The following TMC5 variants were observed in gnomAD, a reference collection of about 807,000 sequenced individuals.
TMC5 encodes transmembrane channel like 5, also known as transmembrane channel-like protein 5.
In TMC5, 86 loss-of-function variants were observed where a neutral mutation model predicts 110.5. The ratio of observed to expected loss-of-function variants is 0.78; its 90% confidence interval spans 0.65 to 0.93. TMC5 has a LOEUF of 0.93. Among genes scored for constraint, TMC5 ranks in the 40% least tolerant of loss-of-function variants. TMC5 has a pLI of 0.00. For synonymous variants in TMC5, 455 were observed against 439.5 expected (o/e 1.04, Z -0.44); for missense variants, 1,144 against 1,222.8 (o/e 0.94, Z 0.96).
intron 3 of TMC5, among the ~76,000 whole-genome samples, chr16:19,443,019 G>T (rs1201297300): frequency 6.6e-6 from 1 of 152,176 alleles, no homozygotes; most frequent in African/African-American, 2.4e-5. Flanking sequence ...TATGAATAAG[G>T]ATACGTCGTG....
chr16:19,422,172 A>G (rs1966998531), intron 1 of TMC5, among the ~76,000 whole-genome samples: 1 of 151,812 alleles, frequency 6.6e-6, no homozygotes, highest in Non-Finnish European at 1.5e-5. Flanking sequence ...TGGAGGTTGC[A>G]GTGAGCCAAG....
chr16:19,433,553 G>A (rs988805410), intron 2 of TMC5, among the ~76,000 whole-genome samples: 2 of 152,124 alleles, frequency 1.3e-5, no homozygotes, highest in Non-Finnish European at 2.9e-5. Flanking sequence ...TCATTACATT[G>A]TTATTCGATC....
chr16:19,479,624 A>G, intron 14 of TMC5, 96 bp downstream of exon 14: 1 of 844,128 alleles, frequency 1.2e-6, no homozygotes, highest in Non-Finnish European at 2.0e-6. Flanking sequence ...GACATACTCA[A>G]AGCGTGCGTT....
At chr16:19,487,701 CAATAAATAAAT>C (rs1968783221) in intron 17 of TMC5, 1 of 127,838 alleles carries the variant, frequency 7.8e-6, no homozygotes, top group Admixed American at 8.0e-5. Context: ...GACTCTGTCT[CAATAAATAAAT>C]AAATAAATAA....
intron 17 of TMC5, 125 bp from the exon 18 acceptor site, chr16:19,490,270 G>A: frequency 1.1e-6 from 1 of 908,936 alleles, no homozygotes; most frequent in Non-Finnish European, 1.7e-6. Flanking sequence ...TTTGGGAAGT[G>A]GGTGTGATTG....
intron 6 of TMC5, among the ~76,000 whole-genome samples, chr16:19,463,016 C>A (rs1377638070): frequency 2.0e-5 from 3 of 152,004 alleles, no homozygotes; most frequent in Non-Finnish European, 4.4e-5. Flanking sequence ...CCCAAGTAAT[C>A]CCCCCACCAC....
At chr16:19,448,947 C>T (rs1967685546) in intron 4 of TMC5, among the ~76,000 whole-genome samples, 1 of 149,694 alleles carries the variant, frequency 6.7e-6, no homozygotes, top group South Asian at 2.1e-4. Context: ...CTGCAAGCTC[C>T]ACCTCCTGGG....
chr16:19,428,354 G>A (rs1041984460), intron 1 of TMC5, among the ~76,000 whole-genome samples: 1 of 148,886 alleles, frequency 6.7e-6, no homozygotes, highest in Non-Finnish European at 1.5e-5. Context: ...TGTTGCCCAG[G>A]CTGGAGTACA....
chr16:19,434,173 G>T (rs182116711), intron 2 of TMC5, among the ~76,000 whole-genome samples: 3 of 31,482 alleles, frequency 9.5e-5, no homozygotes, highest in East Asian at 1.8e-3. Context: ...ATGATATATA[G>T]ATCTATTAGA....
chr16:19,427,227 G>A (rs889667997), intron 1 of TMC5, among the ~76,000 whole-genome samples: 1 of 152,212 alleles, frequency 6.6e-6, no homozygotes, highest in African/African-American at 2.4e-5. Context: ...GCCAAGGCCA[G>A]CGGATCACTT....
intron 2 of TMC5, among the ~76,000 whole-genome samples, chr16:19,434,131 AAT>A (rs1199099494): frequency 5.4e-5 from 5 of 93,324 alleles, no homozygotes; most frequent in Non-Finnish European, 4.4e-5. Context: ...ATATATCTAA[AAT>A]ATATATATCT....
intron 12 of TMC5, 41 bp downstream of exon 12, chr16:19,474,317 CAG>C (rs1439866370): frequency 1.3e-6 from 2 of 1,596,788 alleles, no homozygotes; most frequent in East Asian, 2.3e-5. Context: ...TCTATTTCCA[CAG>C]AGAGAAGTGG....
At chr16:19,464,130 A>G (rs1567314020) in intron 8 of TMC5, 106 bp downstream of exon 8, 1 of 1,281,762 alleles carries the variant, frequency 7.8e-7, no homozygotes, top group Non-Finnish European at 1.1e-6. Context: ...CTGGGGGTCA[A>G]CTGATGGGGA....
At chr16:19,436,806 T>G (rs570628276) in intron 2 of TMC5, among the ~76,000 whole-genome samples, 3 of 152,204 alleles carry the variant, frequency 2.0e-5, no homozygotes, top group African/African-American at 7.2e-5. Context: ...TGTTTATCTC[T>G]TGGTTCTGTT....
At position 19,474,114 on chromosome 16, in the gene TMC5, A is replaced by G. The variant is rs1423981770; in HGVS notation, c.1939-11A>G. ...AAGTCAGCCCTCCGTTCTCTCCCCC[A>G]TCCCCTGCAGTTCCTGAAGACACAC... On this transcript the variant is annotated splice_polypyrimidine_tract_variant and intron_variant, in intron 11 of 21. Coordinates refer to ENST00000542583, the MANE Select transcript of TMC5 (RefSeq NM_001261841.2). 6 of 1,612,578 alleles carry G rather than the reference A, an allele frequency of 3.7e-6. No homozygotes were observed. Among genetic ancestry groups the G allele is most frequent in the East Asian group, 2.2e-5 (1 of 44,884 alleles).
upstream of TMC5, among the ~76,000 whole-genome samples, chr16:19,416,814 C>T (rs1966879461): frequency 6.6e-6 from 1 of 152,284 alleles, no homozygotes; most frequent in Admixed American, 6.5e-5. Context: ...GGCCAGGCGG[C>T]CAGATGCAGT....
At chr16:19,411,254 T>G (rs1966855170) in intron 1 of TMC5, 1 of 152,238 alleles carries the variant, frequency 6.6e-6, no homozygotes, top group Non-Finnish European at 1.5e-5. Context: ...GTGTTGTGCA[T>G]CTCTGGACAG....
At chr16:19,464,768 A>G (rs1354568964) in intron 8 of TMC5, among the ~76,000 whole-genome samples, 1 of 151,988 alleles carries the variant, frequency 6.6e-6, no homozygotes, top group Non-Finnish European at 1.5e-5. Context: ...CTACTATAGA[A>G]GAAAACTAAG....
At chr16:19,424,887 T>C (rs2143376350) in intron 1 of TMC5, among the ~76,000 whole-genome samples, 1 of 152,316 alleles carries the variant, frequency 6.6e-6, no homozygotes, top group Admixed American at 6.5e-5. Flanking sequence ...TCCTGGAGGA[T>C]GAGGGGCAAG....
Sources: allele counts gnomAD v4.1 joint callset (sites outside exome capture counted in the v4.1 genomes callset), GRCh38; gene constraint gnomAD v4.1.1; transcripts MANE v1.5; gene names NCBI Gene and HGNC (gene_info 2026-07-23, HGNC 2026-07-21).